Variants in PARD3B observed in about 807,000 individuals in gnomAD.
The protein encoded by PARD3B is partitioning defective 3 homolog B.
PARD3B carries 103 observed loss-of-function variants against 130.2 expected under a neutral mutation model. That is an observed-to-expected ratio of 0.79 (90% CI 0.67 to 0.93). The LOEUF (loss-of-function observed/expected upper bound fraction) is 0.93, where lower values mean the gene tolerates loss of function less well. PARD3B is among the 40% of genes least tolerant of loss of function. PARD3B has a pLI of 0.00. For synonymous variants in PARD3B, 583 were observed against 553.2 expected (o/e 1.05, Z -0.76); for missense variants, 1,609 against 1,499.2 (o/e 1.07, Z -1.21).
At chr2:204,693,653 A>G (rs1364661109) in intron 2 of PARD3B, among the ~76,000 whole-genome samples, 1 of 152,040 alleles carries the variant, frequency 6.6e-6, no homozygotes, top group Non-Finnish European at 1.5e-5. Flanking sequence ...ATACTGCATC[A>G]AGTCCAAACT....
chr2:205,042,368 T>G (rs931987301), intron 3 of PARD3B, among the ~76,000 whole-genome samples: 2 of 152,190 alleles, frequency 1.3e-5, no homozygotes, highest in African/African-American at 4.8e-5. Flanking sequence ...TGTTAAAACC[T>G]GACAAATCTT....
intron 13 of PARD3B, among the ~76,000 whole-genome samples, chr2:205,179,767 T>G (rs1384451892): frequency 9.2e-5 from 14 of 152,258 alleles, no homozygotes; most frequent in African/African-American, 2.6e-4. Flanking sequence ...CTTAAGTAAA[T>G]GGAATAATAT....
In PARD3B at chr2:205,308,599, C is replaced by T. The variant is rs1242599833; in HGVS notation, c.2630+6898C>T. Among the ~76,000 whole-genome samples, 6 of 60,054 alleles carry T rather than the reference C, an allele frequency of 1.0e-4. No homozygotes were observed. In the East Asian group the frequency reaches 2.2e-3, roughly 22 times the overall value. 39.4% of individuals were successfully genotyped at this position (60,054 alleles called of 152,430 possible). On this transcript the variant is annotated intron_variant, in intron 18 of 22. Transcript: ENST00000406610. ...TCTAGCCTGGGTGAGAGCGAGACTC[C>T]GTCTCAAAAAAAAAAAAAAACCAAA... is the stretch of plus-strand genomic sequence containing the variant.
intron 19 of PARD3B, among the ~76,000 whole-genome samples, chr2:205,412,222 A>G (rs2046623207): frequency 6.6e-6 from 1 of 152,110 alleles, no homozygotes; most frequent in Non-Finnish European, 1.5e-5. Context: ...CCCCTTTCCC[A>G]GGCACAAACT....
intron 2 of PARD3B, among the ~76,000 whole-genome samples, chr2:204,818,030 G>A (rs893729526): frequency 6.6e-6 from 1 of 152,066 alleles, no homozygotes; most frequent in Admixed American, 6.6e-5. Context: ...AAAGGCATAC[G>A]CCCAAACTGT....
At chr2:205,415,017 TAAG>T (rs149654207) in intron 19 of PARD3B, among the ~76,000 whole-genome samples, 6 of 152,244 alleles carry the variant, frequency 3.9e-5, no homozygotes, top group South Asian at 2.1e-4. Flanking sequence ...GTGGATGTAA[TAAG>T]AAAGTCAAAA....
chr2:204,795,044 T>C (rs1174604177), intron 2 of PARD3B, among the ~76,000 whole-genome samples: 1 of 152,198 alleles, frequency 6.6e-6, no homozygotes, highest in Non-Finnish European at 1.5e-5. Flanking sequence ...ATAGAGAAAG[T>C]AGATAGAAAT....
intron 2 of PARD3B, among the ~76,000 whole-genome samples, chr2:204,785,743 T>C (rs1334993672): frequency 2.0e-5 from 3 of 152,232 alleles, no homozygotes; most frequent in Non-Finnish European, 2.9e-5. Context: ...TAGTAAGTTT[T>C]ATTTATTTTT....
In PARD3B at chr2:205,366,657, C is replaced by G. The variant is rs1440954465; in HGVS notation, c.2631-34356C>G. Among the ~76,000 whole-genome samples, 1 of 151,974 alleles carries G rather than the reference C, an allele frequency of 6.6e-6. No individual in the cohort carries two copies. On this transcript the variant is annotated intron_variant, in intron 18 of 22. Coordinates refer to ENST00000406610, the MANE Select transcript of PARD3B (RefSeq NM_001302769.2). The surrounding 1 kb of genome is among the most constrained non-coding windows in gnomAD (Gnocchi z 5.0). ...CACTCAAATCTGTCTCCTCTCAAGCCTAAATTCACACTTTTTTTTTTCTTT... is the reference window on the plus strand; with the variant it reads ...CACTCAAATCTGTCTCCTCTCAAGCGTAAATTCACACTTTTTTTTTTCTTT...
intron 21 of PARD3B, among the ~76,000 whole-genome samples, chr2:205,522,310 T>TAAATA (rs1317489882): frequency 4.0e-3 from 606 of 151,974 alleles, no homozygotes; most frequent in African/African-American, 0.014. Context: ...TCTAAAATAT[T>TAAATA]AAAGACTTTA....
intron 21 of PARD3B, among the ~76,000 whole-genome samples, chr2:205,509,498 A>T (rs2050510361): frequency 6.6e-6 from 1 of 152,044 alleles, no homozygotes; most frequent in Non-Finnish European, 1.5e-5. Context: ...CTCCTCCCCT[A>T]AAGCATTCAG....
At chr2:204,659,211 C>T (rs2035725610) in intron 1 of PARD3B, among the ~76,000 whole-genome samples, 1 of 152,068 alleles carries the variant, frequency 6.6e-6, no homozygotes, top group South Asian at 2.1e-4. Context: ...GTTGGAAGAA[C>T]CTTGGTAATT....
chr2:205,450,858 T>A (rs184831245), intron 20 of PARD3B, among the ~76,000 whole-genome samples: 10 of 152,292 alleles, frequency 6.6e-5, no homozygotes, highest in Non-Finnish European at 8.8e-5. Flanking sequence ...ACTTTGGCAA[T>A]TGTTTGTTAC....
Position 205,499,925 on chromosome 2 carries a change from G to T in PARD3B, c.3074G>T (p.Arg1025Leu). 1 of 1,613,632 alleles carries T rather than the reference G, an allele frequency of 6.2e-7. No homozygotes were observed. Among genetic ancestry groups the T allele is most frequent in the Non-Finnish European group, 8.5e-7 (1 of 1,179,622 alleles). Residue 1025 changes from arginine to leucine, a missense_variant, in exon 21 of 23, where the codon CGT (arginine) becomes CTT (leucine). Physicochemically the swap from Arg to Leu is moderately radical, Grantham distance 102. Coordinates refer to ENST00000406610, the MANE Select transcript of PARD3B (RefSeq NM_001302769.2). Reference protein sequence around the residue: ...SGRPTGGSTDRIQKLRKEYYQ... With the variant: ...SGRPTGGSTDLIQKLRKEYYQ... ...CGTCCTACGGGTGGAAGCACTGACC[G>T]TATCCAGAAGTTGCGGAAAGAGTAT...
intron 3 of PARD3B, among the ~76,000 whole-genome samples, chr2:204,987,473 T>C (rs1693265835): frequency 6.6e-6 from 1 of 152,200 alleles, no homozygotes; most frequent in Non-Finnish European, 1.5e-5. Flanking sequence ...ATTATAAAGA[T>C]GATACATACT....
intron 15 of PARD3B, among the ~76,000 whole-genome samples, chr2:205,200,815 G>A (rs1269603482): frequency 6.6e-6 from 1 of 152,208 alleles, no homozygotes; most frequent in Admixed American, 6.5e-5. Flanking sequence ...AGGTATTTTA[G>A]ATGGGATAGT....
At chr2:205,044,248 T>C (rs1284793440) in intron 3 of PARD3B, among the ~76,000 whole-genome samples, 1 of 149,236 alleles carries the variant, frequency 6.7e-6, no homozygotes, top group African/African-American at 2.5e-5. Context: ...CTATTGTGAA[T>C]AATGCCGCAA....
At chr2:204,857,005 G>C (rs996754959) in intron 2 of PARD3B, among the ~76,000 whole-genome samples, 1 of 151,968 alleles carries the variant, frequency 6.6e-6, no homozygotes, top group Non-Finnish European at 1.5e-5. Context: ...TTTTGCTCAA[G>C]ATTGCTTTGG....
At chr2:205,546,235 G>C (rs1292600590) in intron 21 of PARD3B, among the ~76,000 whole-genome samples, 3 of 152,144 alleles carry the variant, frequency 2.0e-5, no homozygotes, top group Non-Finnish European at 4.4e-5. Flanking sequence ...AAATTGTTTT[G>C]AATAAGCTCT....
Sources: gnomAD v4.1 joint callset for allele counts (sites outside exome capture counted in the v4.1 genomes callset) on GRCh38, gnomAD v4.1.1 for gene constraint, Gnocchi (gnomAD v3.1) non-coding constraint, MANE v1.5 for transcripts, NCBI Gene and HGNC (gene_info 2026-07-23, HGNC 2026-07-21) for gene names.